BRAP: variants seen among roughly 807,000 people sequenced by gnomAD.
BRAP encodes the protein BRCA1 associated protein, also known as BRCA1-associated protein.
BRAP carries 42 observed loss-of-function variants against 73.4 expected under a neutral mutation model. That is an observed-to-expected ratio of 0.57 (90% confidence interval 0.45 to 0.74). BRAP has a LOEUF of 0.74. Among genes scored for constraint, BRAP ranks in the 30% least tolerant of loss-of-function variants. The probability of loss-of-function intolerance (pLI) is 0.00; values close to 1 mark genes in which losing one functional copy is unlikely to be tolerated. For synonymous variants in BRAP, 255 were observed against 267.4 expected, an observed-to-expected ratio of 0.95 and a Z score of 0.45; for missense variants, 593 against 751.4, an observed-to-expected ratio of 0.79 and a Z score of 2.46.
intron 10 of BRAP, among the ~76,000 whole-genome samples, chr12:111,653,953 C>A (rs1301045885): frequency 1.3e-5 from 2 of 152,152 alleles, no homozygotes; most frequent in Non-Finnish European, 2.9e-5. Flanking sequence ...GTTTTCCTGC[C>A]CCTTGACTTG....
At chr12:111,648,534 T>C (rs1014883560) in intron 11 of BRAP, among the ~76,000 whole-genome samples, 26 of 139,872 alleles carry the variant, frequency 1.9e-4, no homozygotes, top group South Asian at 2.3e-4. Context: ...ATCACTTGAA[T>C]CCGGGAGGCG....
intron 3 of BRAP, among the ~76,000 whole-genome samples, chr12:111,681,277 G>A (rs1593000139): frequency 6.6e-6 from 1 of 152,000 alleles, no homozygotes; most frequent in Non-Finnish European, 1.5e-5. Flanking sequence ...GGCTGAGGAA[G>A]GAGAATCACT....
rs1157199504 is a variant in BRAP at position 111,665,468 on chromosome 12, AG to A, written c.896+170del. 6.6e-6 allele frequency among the ~76,000 whole-genome samples: 1 copy of A among 152,224 alleles called. No homozygotes were observed. Among genetic ancestry groups the A allele is most frequent in the African/African-American group, 2.4e-5 (1 of 41,462 alleles). On this transcript the variant is annotated intron_variant, in intron 6 of 11. Transcript: ENST00000419234. This position sits in a 1 kb window ranked among gnomAD's most constrained non-coding sequence, Gnocchi z 4.3. ...GGGTTCAGAATCAGCATACTAAAAA[AG>A]GACTTGGTCTCAGAATGCCGATTCC...
intron 1 of BRAP, 98 bp from the exon 2 acceptor site, chr12:111,683,405 T>C: frequency 7.3e-7 from 1 of 1,371,384 alleles, no homozygotes; most frequent in Non-Finnish European, 9.9e-7. Flanking sequence ...TTCTCCTGCC[T>C]TCCGCCAAGA....
chr12:111,683,118 AG>A (rs762143143), intron 2 of BRAP, 27 bp downstream of exon 2: 1 of 1,600,998 alleles, frequency 6.2e-7, no homozygotes, highest in East Asian at 2.2e-5. Flanking sequence ...ACATTACAAA[AG>A]AGAGTCCAGG....
intron 7 of BRAP, 60 bp downstream of exon 7, chr12:111,660,537 CAGA>C: frequency 7.2e-7 from 1 of 1,392,770 alleles, no homozygotes; most frequent in South Asian, 1.4e-5. Flanking sequence ...TCATACCAGG[CAGA>C]AGAAAACTCA....
Position 111,649,950 on chromosome 12 carries a change from A to C in BRAP, c.1404T>G (p.Ser468=). 6.2e-7 allele frequency: 1 copy of C among 1,602,966 alleles called. No homozygotes were observed. The highest frequency in any genetic ancestry group is 8.5e-7 in the Non-Finnish European group (1 of 1,170,374). ...KLNDLLKEKQ[S]VERKCTQLNT... ...CCGATTATACCTACTTTCTTTCCAC[A>C]GACTGCTTTTCTTTTAGGAGATCAT... The change falls in exon 11 of 12, where the codon TCT becomes TCG. Residue 468 remains serine, a synonymous_variant. Transcript: ENST00000419234.
At position 111,652,872 on chromosome 12, in the gene BRAP, G is replaced by C. The variant is rs1886380800; in HGVS notation, c.1311+2694C>G. Among the ~76,000 whole-genome samples, 4 of 152,238 alleles carry C rather than the reference G, an allele frequency of 2.6e-5. No homozygotes were observed. In the South Asian group the frequency reaches 8.3e-4, roughly 32 times the overall value. On this transcript the variant is annotated intron_variant, in intron 10 of 11. Transcript: ENST00000419234. ...CTACAGGCACGTGCCACCAAGCCTG[G>C]CTAATTTTTTGTATTTTTAGTAGAG...
At chr12:111,652,278 C>T (rs1263058466) in intron 10 of BRAP, among the ~76,000 whole-genome samples, 1 of 152,178 alleles carries the variant, frequency 6.6e-6, no homozygotes, top group Non-Finnish European at 1.5e-5. Flanking sequence ...GGCTGGAGTG[C>T]AGTGGTGCAA....
At chr12:111,671,157 G>A (rs958203795) in intron 5 of BRAP, among the ~76,000 whole-genome samples, 1 of 151,680 alleles carries the variant, frequency 6.6e-6, no homozygotes, top group African/African-American at 2.4e-5. Flanking sequence ...TTAAAATAAA[G>A]AGCTGTATTG....
At chr12:111,674,582 T>A (rs1020436773) in intron 4 of BRAP, among the ~76,000 whole-genome samples, 2 of 152,130 alleles carry the variant, frequency 1.3e-5, no homozygotes, top group Non-Finnish European at 2.9e-5. Context: ...GCTAAGCAGC[T>A]GAGGAAGGAT....
intron 4 of BRAP, chr12:111,673,129 C>T (rs1887241810): frequency 5.0e-6 from 1 of 199,426 alleles, no homozygotes; most frequent in Non-Finnish European, 1.0e-5. Flanking sequence ...ATCACTTGTG[C>T]AGCTGAAAGT....
Position 111,650,518 on chromosome 12 carries a change from G to A in BRAP, c.1312-476C>T, listed in dbSNP as rs574530417. ...TGACCTCAGGTGATCCACCTGCCTC[G>A]GCCTCCCAAAATGTTGGGATTACAG... On this transcript the variant is annotated intron_variant, in intron 10 of 11. Coordinates refer to ENST00000419234, the MANE Select transcript of BRAP (RefSeq NM_006768.5). 4.6e-5 allele frequency among the ~76,000 whole-genome samples: 7 copies of A among 152,188 alleles called. No individual in the cohort carries two copies. In the South Asian group the frequency reaches 8.3e-4, roughly 18 times the overall value.
chr12:111,671,774 T>C (rs1887184810), intron 5 of BRAP, among the ~76,000 whole-genome samples: 1 of 142,094 alleles, frequency 7.0e-6, no homozygotes, highest in South Asian at 2.4e-4. Context: ...AGCCTGGACC[T>C]CCCCCGACTC....
At position 111,683,174 on chromosome 12, in the gene BRAP, C is replaced by G; in HGVS notation, c.216G>C (p.Val72=). ...QHLGRREMTD[V]IIETMKSNPD... ...GGTTGGACTTCATGGTCTCAATGAT[C>G]ACATCTGTCATTTCTCGACGGCCGA... Residue 72 remains valine, a synonymous_variant, in exon 2 of 12, where the codon GTG becomes GTC. Transcript: ENST00000419234. 1 of 1,613,930 alleles carries G rather than the reference C, an allele frequency of 6.2e-7. No homozygotes were observed.
At chr12:111,682,002 T>C (rs775159420) in intron 2 of BRAP, among the ~76,000 whole-genome samples, 167 bp from the exon 3 acceptor site, 2 of 152,224 alleles carry the variant, frequency 1.3e-5, no homozygotes, top group South Asian at 2.1e-4. Context: ...GAGGGCATCA[T>C]ACTTTAAAGC....
rs144136043 is a variant in BRAP, at chr12:111,661,279, G to GT, written c.897-605dup. ...AGGTGTGAGCCACAGCTCCCAGCTT[G>GT]TTTTTTTTTTTTTTTTTGAGACAGA... is the stretch of plus-strand genomic sequence containing the variant. On this transcript the variant is annotated intron_variant, in intron 6 of 11. Transcript: ENST00000419234. 7.9e-3 allele frequency among the ~76,000 whole-genome samples: 945 copies of GT among 118,976 alleles called. 5 individuals carry two copies. The highest frequency in any genetic ancestry group is 0.014 in the South Asian group (49 of 3,538). The allele number at this position is 118,976 out of a possible 152,430, so 78.1% of individuals were successfully genotyped here. A position where few individuals can be genotyped will look rare whatever the true frequency, so the allele number is the denominator to read the frequency against.
intron 1 of BRAP, among the ~76,000 whole-genome samples, chr12:111,683,734 C>A (rs1226336714): frequency 1.3e-5 from 2 of 152,030 alleles, no homozygotes; most frequent in African/African-American, 4.8e-5. Flanking sequence ...AGAGATGGGG[C>A]TTCACCATGT....
At chr12:111,674,068 C>T (rs1006347734) in intron 4 of BRAP, among the ~76,000 whole-genome samples, 1 of 152,196 alleles carries the variant, frequency 6.6e-6, no homozygotes, top group Non-Finnish European at 1.5e-5. Context: ...AATTCTGCAA[C>T]AGGAAATGCA....
Sources: allele counts gnomAD v4.1 joint callset (sites outside exome capture counted in the v4.1 genomes callset), GRCh38; gene constraint gnomAD v4.1.1; non-coding constraint Gnocchi (gnomAD v3.1); transcripts MANE v1.5; gene names NCBI Gene and HGNC (gene_info 2026-07-23, HGNC 2026-07-21).